NMU: variants seen among roughly 807,000 people sequenced by gnomAD.
The protein encoded by NMU is neuromedin U.
Under a neutral mutation model 35.4 loss-of-function variants are expected in NMU, and 29 were observed. The observed-to-expected ratio is 0.82, with a 90% CI of 0.61 to 1.12. NMU has a LOEUF of 1.12. Among genes scored for constraint, NMU ranks in the 50% most tolerant of loss-of-function variants. The pLI, the probability that NMU is intolerant of heterozygous loss-of-function variation, is 0.00. For synonymous variants in NMU, 78 were observed against 81.3 expected (o/e 0.96, Z 0.22); for missense variants, 199 against 206.2 (o/e 0.97, Z 0.21).
chr4:55,599,154 A>G lies in NMU; in HGVS notation c.517T>C (p.Phe173Leu). The G allele has an allele frequency of 6.2e-7, 1 of 1,604,868 alleles. No homozygotes were observed. Among genetic ancestry groups the G allele is most frequent in the Non-Finnish European group, 8.5e-7 (1 of 1,171,818 alleles). ...RPRNGRRSAG[F>L]I ...ATTTCTCACATACCATTTTAAATGA[A>G]CCCTGCTGACCTTCTTCCATTCCGT... The change falls in exon 9 of 10, where the codon TTC (phenylalanine) becomes CTC (leucine). Residue 173 changes from phenylalanine to leucine, a missense_variant. Physicochemically the swap from Phe to Leu is conservative, Grantham distance 22 (BLOSUM62 0). Coordinates refer to ENST00000264218, the MANE Select transcript of NMU (RefSeq NM_006681.4).
At chr4:55,604,025 A>ACACGTG (rs1733566269) in intron 7 of NMU, among the ~76,000 whole-genome samples, 11 of 71,912 alleles carry the variant, frequency 1.5e-4, no homozygotes, top group African/African-American at 4.3e-4. Context: ...GTGTATATAT[A>ACACGTG]TAATCCTAGA....
chr4:55,601,729 G>A (rs1014829020), intron 7 of NMU, among the ~76,000 whole-genome samples: 3 of 152,118 alleles, frequency 2.0e-5, no homozygotes, highest in Non-Finnish European at 4.4e-5. Context: ...GCTCATGCCT[G>A]TAATCTGAGC....
At position 55,636,038 on chromosome 4, in the gene NMU, G is replaced by T; in HGVS notation, c.112+43C>A. 1 of 1,532,616 alleles carries T rather than the reference G, an allele frequency of 6.5e-7. No homozygotes were observed. Among genetic ancestry groups the T allele is most frequent in the East Asian group, 2.5e-5 (1 of 40,690 alleles). 94.9% of individuals were successfully genotyped at this position (1,532,616 alleles called of 1,614,324 possible). ...AGAGCGGTGAGTGGAGCCAGAGAGA[G>T]GCGCGCATGGCGTGGAAGCGGCCGG... On this transcript the variant is annotated intron_variant, in intron 1 of 9. Transcript: ENST00000264218. This position sits in a 1 kb window ranked among gnomAD's most constrained non-coding sequence, Gnocchi z 4.0.
chr4:55,616,994 G>A (rs1356547444), intron 2 of NMU, among the ~76,000 whole-genome samples: 1 of 152,170 alleles, frequency 6.6e-6, no homozygotes, highest in African/African-American at 2.4e-5. Flanking sequence ...TAGAATGAGA[G>A]ACTTATATTA....
chr4:55,607,365 G>A lies in NMU; in HGVS notation c.310-17C>T, dbSNP rs1733729623. 1 of 1,573,956 alleles carries A rather than the reference G, an allele frequency of 6.4e-7. No individual in the cohort carries two copies. The highest frequency in any genetic ancestry group is 8.7e-7 in the Non-Finnish European group (1 of 1,144,534). On this transcript the variant is annotated splice_polypyrimidine_tract_variant and intron_variant, in intron 5 of 9. Coordinates refer to ENST00000264218, the MANE Select transcript of NMU (RefSeq NM_006681.4). ...AAATAAGAACTGTTTAAAAAAAGCA[G>A]TAAGTTTTACTATAAAAATTAATGG... is the stretch of plus-strand genomic sequence containing the variant.
chr4:55,603,970 T>C (rs1733549198), intron 7 of NMU, among the ~76,000 whole-genome samples: 1 of 90,458 alleles, frequency 1.1e-5, no homozygotes, highest in Non-Finnish European at 2.5e-5. Context: ...TATATATACG[T>C]ATATATGTAT....
intron 2 of NMU, among the ~76,000 whole-genome samples, chr4:55,625,975 A>T (rs1047318278): frequency 4.6e-5 from 7 of 152,086 alleles, no homozygotes; most frequent in African/African-American, 1.7e-4. Context: ...ACCTCCTTGA[A>T]TCTGTCCTCC....
intron 2 of NMU, among the ~76,000 whole-genome samples, chr4:55,626,669 C>T (rs1400604218): frequency 1.3e-5 from 2 of 152,148 alleles, no homozygotes; most frequent in African/African-American, 4.8e-5. Context: ...GGTCATGCCA[C>T]TGTACTCCAG....
At chr4:55,602,703 A>G (rs528719588) in intron 7 of NMU, among the ~76,000 whole-genome samples, 2 of 152,348 alleles carry the variant, frequency 1.3e-5, no homozygotes, top group Non-Finnish European at 2.9e-5. Context: ...GAGTTTGATG[A>G]CAACTGCTTT....
chr4:55,605,781 C>T (rs1469104858), intron 6 of NMU, among the ~76,000 whole-genome samples: 1 of 152,194 alleles, frequency 6.6e-6, no homozygotes, highest in Admixed American at 6.5e-5. Flanking sequence ...ATACTATACA[C>T]ACATCTAATA....
chr4:55,613,493 T>C (rs746732181), intron 3 of NMU, among the ~76,000 whole-genome samples: 1 of 152,164 alleles, frequency 6.6e-6, no homozygotes, highest in Non-Finnish European at 1.5e-5. Context: ...TAGTTTTCAG[T>C]TGTGTACCGA....
rs1577970218 is a variant in NMU at position 55,636,264 on chromosome 4, G to T, written c.-72C>A. On this transcript the variant is annotated 5_prime_UTR_variant, in exon 1 of 10. Transcript: ENST00000264218. The surrounding 1 kb of genome is among the most constrained non-coding windows in gnomAD (Gnocchi z 4.0). ...ACGCGTAGCTGGTGCTCCACCTGGT[G>T]CCCTGGCTGTGCCTCGGGGCCCGGA... The T allele has an allele frequency of 7.1e-7, 1 of 1,404,938 alleles. No individual in the cohort carries two copies. Among genetic ancestry groups the T allele is most frequent in the Admixed American group, 3.3e-5 (1 of 30,352 alleles). The allele number at this position is 1,404,938 out of a possible 1,614,324, so 87.0% of individuals were successfully genotyped here.
intron 3 of NMU, 107 bp downstream of exon 3, chr4:55,616,231 C>T (rs1199337915): frequency 8.7e-6 from 7 of 800,876 alleles, no homozygotes; most frequent in African/African-American, 1.7e-5. Flanking sequence ...ATATCTCACA[C>T]GTTGACATGT....
rs1230266124 is a variant in NMU at position 55,609,247 on chromosome 4, T to C, written c.220-68A>G. 3.3e-6 allele frequency: 4 copies of C among 1,204,780 alleles called. No individual in the cohort carries two copies. The East Asian group carries it at 9.3e-5, about 28-fold the overall frequency. 74.6% of individuals were successfully genotyped at this position (1,204,780 alleles called of 1,614,324 possible). On this transcript the variant is annotated intron_variant, in intron 3 of 9. Transcript: ENST00000264218. Reference sequence around the variant, plus strand: ...ACGACATTTACATAGAAGAGGTAACTACAAAATGTTAGGGGCATGAGGAAA... The same window carrying C: ...ACGACATTTACATAGAAGAGGTAACCACAAAATGTTAGGGGCATGAGGAAA...
intron 7 of NMU, among the ~76,000 whole-genome samples, chr4:55,603,607 G>A (rs1733515594): frequency 6.6e-6 from 1 of 151,636 alleles, no homozygotes; most frequent in Admixed American, 6.6e-5. Flanking sequence ...GCAAGGGAAG[G>A]CATTACTTAA....
chr4:55,606,257 A>G (rs1733679154), intron 6 of NMU, among the ~76,000 whole-genome samples: 1 of 152,240 alleles, frequency 6.6e-6, no homozygotes, highest in African/African-American at 2.4e-5. Context: ...GAAGTGAATC[A>G]CAAGTGTGGA....
At chr4:55,618,739 T>C (rs1410315628) in intron 2 of NMU, among the ~76,000 whole-genome samples, 1 of 139,702 alleles carries the variant, frequency 7.2e-6, no homozygotes, top group African/African-American at 2.6e-5. Context: ...TCTTTCTTTC[T>C]TTTTCTTCTC....
At chr4:55,602,318 G>T (rs1906678) in intron 7 of NMU, among the ~76,000 whole-genome samples, 141,639 of 152,286 alleles carry the variant, frequency 0.93, 66,426 homozygotes, top group East Asian at 1. Context: ...ATTTTAAAAT[G>T]AGATGACTTA....
chr4:55,603,999 G>GTGTA (rs1366681530), intron 7 of NMU, among the ~76,000 whole-genome samples: 581 of 42,714 alleles, frequency 0.014, 29 homozygotes, highest in African/African-American at 0.052. Context: ...ATATATATAC[G>GTGTA]TATATATGTA....
Sources: allele counts gnomAD v4.1 joint callset (sites outside exome capture counted in the v4.1 genomes callset), GRCh38; gene constraint gnomAD v4.1.1; non-coding constraint Gnocchi (gnomAD v3.1); transcripts MANE v1.5; gene names NCBI Gene and HGNC (gene_info 2026-07-23, HGNC 2026-07-21).